C1QL2: variants seen among roughly 807,000 people sequenced by gnomAD.
C1QL2 encodes complement C1q-like protein 2.
A neutral mutation model predicts 16.6 loss-of-function variants in C1QL2; 13 were observed. The observed-to-expected ratio is 0.78, with a 90% CI of 0.51 to 1.25. The LOEUF is 1.25. Among genes scored for constraint, C1QL2 ranks in the 50% most tolerant of loss-of-function variants. The probability of loss-of-function intolerance (pLI) is 0.00; values close to 1 mark genes in which losing one functional copy is unlikely to be tolerated. For missense variants in C1QL2, 396 were observed against 409.6 expected, an observed-to-expected ratio of 0.97 and a Z score of 0.29; for synonymous variants, 210 against 183.2, an observed-to-expected ratio of 1.15 and a Z score of -1.18.
chr2:119,157,990 C>A lies in C1QL2; in HGVS notation c.280G>T (p.Gly94Ter). The change falls in exon 1 of 2, where the codon GGA becomes TGA. Residue 94 changes from glycine to a stop codon, truncating the protein, a stop_gained. Transcript: ENST00000272520. LOFTEE classifies it high-confidence loss of function. ...PGKPGPRGPP[G>*]EPGPPGPRGP... ...CTGGGTCCAGGCGGGCCCGGCTCTC[C>A]AGGGGGCCCCCGCGGCCCTGGCTTG... The A allele has an allele frequency of 6.6e-7, 1 of 1,521,296 alleles. No individual in the cohort carries two copies. The highest frequency in any genetic ancestry group is 1.2e-5 in the South Asian group (1 of 80,784). 94.2% of individuals were successfully genotyped at this position (1,521,296 alleles called of 1,614,324 possible).
chr2:119,158,468 C>T lies in C1QL2; in HGVS notation c.-199G>A. On this transcript the variant is annotated 5_prime_UTR_variant, in exon 1 of 2. Transcript: ENST00000272520. ...ACGTGGCGACCCCCAGCCCCGGCTA[C>T]CCAACTACTTCAGCGAGAGGCGCCG... 1 of 339,588 alleles carries T rather than the reference C, an allele frequency of 2.9e-6. No individual in the cohort carries two copies. Among genetic ancestry groups the T allele is most frequent in the Non-Finnish European group, 5.1e-6 (1 of 194,768 alleles). The allele number at this position is 339,588 out of a possible 1,614,324, so 21.0% of individuals were successfully genotyped here. A position where few individuals can be genotyped will look rare whatever the true frequency, so the allele number is the denominator to read the frequency against.
Position 119,157,628 on chromosome 2 carries a change from G to A in C1QL2, c.642C>T (p.Gly214=), listed in dbSNP as rs1188221315. 14 of 1,614,038 alleles carry A rather than the reference G, an allele frequency of 8.7e-6. No homozygotes were observed. Among genetic ancestry groups the A allele is most frequent in the East Asian group, 2.2e-5 (1 of 44,876 alleles). Residue 214 remains glycine (G), a synonymous_variant, in exon 1 of 2, where the codon GGC becomes GGT. Transcript: ENST00000272520. ...FFTYHILMRG[G]DGTSMWADLC... ...GGTCCGCCCACATGCTGGTGCCGTC[G>A]CCGCCGCGCATGAGGATGTGGTAGG...
At position 119,156,852 on chromosome 2, in the gene C1QL2, T is replaced by C. The variant is rs750111525; in HGVS notation, c.814A>G (p.Asn272Asp). The change falls in exon 2 of 2, where the codon AAT (asparagine) becomes GAT (aspartate). Residue 272 changes from asparagine to aspartate, a missense_variant. This residue lies in a region of C1QL2 where 43 missense variants were observed against 74.8 expected (regional missense o/e 0.57). Coordinates refer to ENST00000272520, the MANE Select transcript of C1QL2 (RefSeq NM_182528.4). ...GAGAACGTGCTGTACTTGTTATTAT[T>C]GCCTCCGTGAGCCTTCCCGCCATCC... ...KLDGGKAHGG[N>D]NNKYSTFSGF... The C allele has an allele frequency of 6.2e-7, 1 of 1,614,054 alleles. No homozygotes were observed. The highest frequency in any genetic ancestry group is 8.5e-7 in the Non-Finnish European group (1 of 1,179,918).
intron 1 of C1QL2, 105 bp from the exon 2 acceptor site, chr2:119,157,086 G>T: frequency 7.6e-7 from 1 of 1,313,424 alleles, no homozygotes; most frequent in South Asian, 1.3e-5. Flanking sequence ...TGCTGCTTCA[G>T]GGTCCACACT....
In C1QL2 at chr2:119,157,769, G is replaced by T; in HGVS notation, c.501C>A (p.Ser167Arg). The change falls in exon 1 of 2, where the codon AGC (serine) becomes AGA (arginine). Residue 167 changes from serine (S) to arginine (R), a missense_variant. By Grantham distance (110) the Ser-to-Arg change is moderately radical. This residue lies in a region of C1QL2 where 353 missense variants were observed against 334.8 expected (regional missense o/e 1.05). Coordinates refer to ENST00000272520, the MANE Select transcript of C1QL2 (RefSeq NM_182528.4). ...PKIAFYVGLK[S>R]PHEGYEVLKF... is the part of the protein sequence containing the mutation. ...TCAGCACCTCATAGCCTTCGTGGGG[G>T]CTCTTGAGACCCACATAGAAGGCGA... The T allele has an allele frequency of 6.2e-7, 1 of 1,612,706 alleles. No individual in the cohort carries two copies. Among genetic ancestry groups the T allele is most frequent in the Non-Finnish European group, 8.5e-7 (1 of 1,179,366 alleles).
chr2:119,157,520 G>A, intron 1 of C1QL2, 66 bp downstream of exon 1: 1 of 1,559,206 alleles, frequency 6.4e-7, no homozygotes, highest in Non-Finnish European at 8.7e-7. Context: ...AAGGAGGCTG[G>A]TTCCCTGGGA....
At chr2:119,157,048 C>G (rs1362264124) in intron 1 of C1QL2, 67 bp from the exon 2 acceptor site, 16 of 1,561,928 alleles carry the variant, frequency 1.0e-5, no homozygotes, top group Non-Finnish European at 1.3e-5. Context: ...CAGCCCACAC[C>G]AGGCGCGCCA....
rs772317888 is a variant in C1QL2, at chr2:119,157,617, C to T, written c.653G>A (p.Ser218Asn). 6.2e-7 allele frequency: 1 copy of T among 1,614,178 alleles called. No homozygotes were observed. Among genetic ancestry groups the T allele is most frequent in the Non-Finnish European group, 8.5e-7 (1 of 1,180,034 alleles). Residue 218 changes from serine to asparagine, a missense_variant, in exon 1 of 2, where the codon AGC becomes AAC. This residue lies in a region of C1QL2 where 353 missense variants were observed against 334.8 expected (regional missense o/e 1.05). Coordinates refer to ENST00000272520, the MANE Select transcript of C1QL2 (RefSeq NM_182528.4). Reference protein sequence around the residue: ...HILMRGGDGTSMWADLCKNGQ... With the variant: ...HILMRGGDGTNMWADLCKNGQ... ...GTTCTTGCAGAGGTCCGCCCACATG[C>T]TGGTGCCGTCGCCGCCGCGCATGAG...
In C1QL2 at chr2:119,156,628, G is replaced by A. The variant is rs955323511; in HGVS notation, c.*174C>T. The A allele has an allele frequency of 1.9e-5, 14 of 733,648 alleles. No homozygotes were observed. The African/African-American group carries it at 2.5e-4, about 13-fold the overall frequency. 45.4% of individuals were successfully genotyped at this position (733,648 alleles called of 1,614,324 possible). ...AGACCAGGAGCACAGCCCTGAGCGT[G>A]GTGGGTCGCAGACGCACTGAGGCCA... is the stretch of plus-strand genomic sequence containing the variant. On this transcript the variant is annotated 3_prime_UTR_variant, in exon 2 of 2. Coordinates refer to ENST00000272520, the MANE Select transcript of C1QL2 (RefSeq NM_182528.4).
rs1384518121 is a variant in C1QL2 at position 119,158,338 on chromosome 2, C to T, written c.-69G>A. ...CGCTGCCACAGCCGGGAGGCGACCG[C>T]CACCAGCTCCTCCTTGCCGCCCGGG... is the stretch of plus-strand genomic sequence containing the variant. On this transcript the variant is annotated 5_prime_UTR_variant, in exon 1 of 2. Transcript: ENST00000272520. 1 of 1,256,880 alleles carries T rather than the reference C, an allele frequency of 8.0e-7. No homozygotes were observed. The highest frequency in any genetic ancestry group is 1.0e-6 in the Non-Finnish European group (1 of 991,274). The allele number at this position is 1,256,880 out of a possible 1,614,324, so 77.9% of individuals were successfully genotyped here. A position where few individuals can be genotyped will look rare whatever the true frequency, so the allele number is the denominator to read the frequency against.
In C1QL2 at chr2:119,158,145, C is replaced by A; in HGVS notation, c.125G>T (p.Gly42Val). 6.4e-7 allele frequency: 1 copy of A among 1,563,304 alleles called. No individual in the cohort carries two copies. Among genetic ancestry groups the A allele is most frequent in the East Asian group, 2.4e-5 (1 of 41,154 alleles). ...ICDPYTAAPGGEPPGAKAQPP... is the reference protein window; with the variant it reads ...ICDPYTAAPGVEPPGAKAQPP... Reference sequence around the variant, plus strand: ...CTGCGCCTTTGCACCCGGGGGCTCCCCGCCGGGCGCGGCAGTGTAAGGGTC... The same window carrying A: ...CTGCGCCTTTGCACCCGGGGGCTCCACGCCGGGCGCGGCAGTGTAAGGGTC... Residue 42 changes from glycine (G) to valine (V), a missense_variant, in exon 1 of 2, where the codon GGG becomes GTG. Gly to Val is a moderately radical substitution (Grantham distance 109, BLOSUM62 -3). Around this residue, in one of 2 missense-constraint regions of C1QL2, gnomAD observed 353 missense variants for 334.8 expected, o/e 1.05. Transcript: ENST00000272520.
Position 119,157,603 on chromosome 2 carries a change from G to A in C1QL2, c.667C>T (p.Leu223Phe). The A allele has an allele frequency of 1.2e-6, 2 of 1,614,118 alleles. No individual in the cohort carries two copies. Among genetic ancestry groups the A allele is most frequent in the Non-Finnish European group, 1.7e-6 (2 of 1,180,028 alleles). The change falls in exon 1 of 2, where the codon CTC becomes TTC. Residue 223 changes from leucine (L) to phenylalanine (F), a missense_variant. Physicochemically the swap from Leu to Phe is conservative, Grantham distance 22 (BLOSUM62 0). Transcript: ENST00000272520. The stretch of plus-strand genomic sequence containing the variant: ...TCACTGACCTGCCCGTTCTTGCAGA[G>A]GTCCGCCCACATGCTGGTGCCGTCG... ...GGDGTSMWAD[L>F]CKNGQVRASA...
chr2:119,157,679 G>A lies in C1QL2; in HGVS notation c.591C>T (p.Cys197=). The A allele has an allele frequency of 1.2e-6, 2 of 1,614,146 alleles. No individual in the cohort carries two copies. The highest frequency in any genetic ancestry group is 1.7e-6 in the Non-Finnish European group (2 of 1,180,008). The part of the protein sequence containing the change: ...HYDPTTGKFS[C]QVRGIYFFTY... ...TGAAGAAGTAGATGCCGCGTACCTG[G>A]CAGCTGAACTTGCCCGTGGTGGGGT... is the stretch of plus-strand genomic sequence containing the variant. The change falls in exon 1 of 2, where the codon TGC becomes TGT. Residue 197 remains cysteine, a synonymous_variant. Transcript: ENST00000272520.
rs544057672 is a variant in C1QL2, at chr2:119,158,150, G to T, written c.120C>A (p.Pro40=). Residue 40 remains proline, a synonymous_variant, in exon 1 of 2, where the codon CCC becomes CCA. Coordinates refer to ENST00000272520, the MANE Select transcript of C1QL2 (RefSeq NM_182528.4). ...CCTTTGCACCCGGGGGCTCCCCGCC[G>T]GGCGCGGCAGTGTAAGGGTCGCAGA... ...RMICDPYTAA[P]GGEPPGAKAQ... is the part of the protein sequence containing the mutation. 9 of 1,567,056 alleles carry T rather than the reference G, an allele frequency of 5.7e-6. No homozygotes were observed. In the African/African-American group the frequency reaches 9.8e-5, roughly 17 times the overall value.
rs1464326635 is a variant in C1QL2 at position 119,156,796 on chromosome 2, G to A, written c.*6C>T. 1.2e-6 allele frequency: 2 copies of A among 1,610,640 alleles called. No homozygotes were observed. The highest frequency in any genetic ancestry group is 2.2e-5 in the East Asian group (1 of 44,784). On this transcript the variant is annotated 3_prime_UTR_variant, in exon 2 of 2. Coordinates refer to ENST00000272520, the MANE Select transcript of C1QL2 (RefSeq NM_182528.4). ...GCAGCCACCCCGCCTCGCACCCCCC[G>A]CGCCCCTAATCCGGGTACAGAAGAA...
Position 119,156,721 on chromosome 2 carries a change from G to A in C1QL2, c.*81C>T. ...GAGATGTCAGGAAGTGTTATGAATCGAGAGTGGCCTTTGCCAAGGAGCCGC... is the reference window on the plus strand; with the variant it reads ...GAGATGTCAGGAAGTGTTATGAATCAAGAGTGGCCTTTGCCAAGGAGCCGC... On this transcript the variant is annotated 3_prime_UTR_variant, in exon 2 of 2. Transcript: ENST00000272520. The A allele has an allele frequency of 4.1e-6, 6 of 1,445,798 alleles. No homozygotes were observed. The highest frequency in any genetic ancestry group is 5.6e-6 in the Non-Finnish European group (6 of 1,063,890). 89.6% of individuals were successfully genotyped at this position (1,445,798 alleles called of 1,614,324 possible).
rs1413514486 is a variant in C1QL2, at chr2:119,158,263, G to A, written c.7C>T (p.Leu3Phe). The A allele has an allele frequency of 6.5e-6, 10 of 1,536,126 alleles. 1 individual carries two copies. In the South Asian group the frequency reaches 9.6e-5, roughly 15 times the overall value. ...AGCGGCACGGCGATGAGCAGCCCGA[G>A]CGCCATGGCCAAGAGTACGCCGACG... MA[L>F]GLLIAVPLLL... Residue 3 changes from leucine to phenylalanine, a missense_variant, in exon 1 of 2, where the codon CTC becomes TTC. Physicochemically the swap from Leu to Phe is conservative, Grantham distance 22. This residue lies in a region of C1QL2 where 353 missense variants were observed against 334.8 expected (regional missense o/e 1.05). Coordinates refer to ENST00000272520, the MANE Select transcript of C1QL2 (RefSeq NM_182528.4).
Position 119,158,060 on chromosome 2 carries a change from A to G in C1QL2, c.210T>C (p.Pro70=). 5 of 1,530,526 alleles carry G rather than the reference A, an allele frequency of 3.3e-6. No homozygotes were observed. The highest frequency in any genetic ancestry group is 4.4e-6 in the Non-Finnish European group (5 of 1,138,906). The allele number at this position is 1,530,526 out of a possible 1,614,324, so 94.8% of individuals were successfully genotyped here. ...EVMQDLSANP[P]PPFIQGPKGD... ...CCTTGGGTCCCTGGATGAAAGGAGG[A>G]GGAGGGTTGGCGCTGAGGTCCTGCA... The change falls in exon 1 of 2, where the codon CCT becomes CCC. Residue 70 remains proline, a synonymous_variant. Coordinates refer to ENST00000272520, the MANE Select transcript of C1QL2 (RefSeq NM_182528.4).
chr2:119,158,680 C>G lies in C1QL2; in HGVS notation c.-411G>C, dbSNP rs1218337723. ...GCTGGCTCCGCGGCGCTGCCTCCCGCCAGGCTCCGCTCCGCTGGGTTTAGT... is the reference window on the plus strand; with the variant it reads ...GCTGGCTCCGCGGCGCTGCCTCCCGGCAGGCTCCGCTCCGCTGGGTTTAGT... On this transcript the variant is annotated 5_prime_UTR_variant, in exon 1 of 2. Transcript: ENST00000272520. 6.5e-6 allele frequency: 1 copy of G among 153,370 alleles called. No individual in the cohort carries two copies. The highest frequency in any genetic ancestry group is 1.5e-5 in the Non-Finnish European group (1 of 68,924). The allele number at this position is 153,370 out of a possible 1,614,324, so 9.5% of individuals were successfully genotyped here. A position where few individuals can be genotyped will look rare whatever the true frequency, so the allele number is the denominator to read the frequency against.
Sources: gnomAD v4.1 joint callset for allele counts on GRCh38, gnomAD v4.1.1 for gene constraint, gnomAD v4.1.1 regional missense constraint, MANE v1.5 for transcripts, NCBI Gene and HGNC (gene_info 2026-07-23, HGNC 2026-07-21) for gene names.